Variants in ANKRD44 observed in about 807,000 individuals in gnomAD.
ANKRD44 encodes the protein ankyrin repeat domain 44, also known as serine/threonine-protein phosphatase 6 regulatory ankyrin repeat subunit B.
A neutral mutation model predicts 116.0 loss-of-function variants in ANKRD44; 35 were observed. That is an observed-to-expected ratio of 0.30 (90% CI 0.23 to 0.40). The LOEUF is 0.40. ANKRD44 is among the 10% of genes least tolerant of loss of function. ANKRD44 has a pLI of 1.00. For synonymous variants in ANKRD44, 435 were observed against 461.8 expected (o/e 0.94, Z 0.74); for missense variants, 1,014 against 1,242.6 (o/e 0.82, Z 2.77).
intron 2 of ANKRD44, among the ~76,000 whole-genome samples, chr2:197,180,132 C>T (rs369864909): frequency 6.7e-6 from 1 of 150,166 alleles, no homozygotes; most frequent in East Asian, 2.0e-4. Flanking sequence ...CACTGCTCTT[C>T]CCAGAACACT....
chr2:197,255,720 G>C (rs2082428608), intron 1 of ANKRD44, among the ~76,000 whole-genome samples: 1 of 152,232 alleles, frequency 6.6e-6, no homozygotes, highest in Non-Finnish European at 1.5e-5. Context: ...TCCCCAGCCA[G>C]GCTGCCCCAT....
At chr2:197,255,286 C>T (rs933918930) in intron 1 of ANKRD44, among the ~76,000 whole-genome samples, 3 of 152,150 alleles carry the variant, frequency 2.0e-5, no homozygotes, top group Non-Finnish European at 4.4e-5. Flanking sequence ...GGCTGGGCTC[C>T]CATCATTTGG....
At chr2:197,154,218 C>T (rs1322303102) in intron 2 of ANKRD44, among the ~76,000 whole-genome samples, 74 of 128,032 alleles carry the variant, frequency 5.8e-4, no homozygotes, top group African/African-American at 2.1e-3. Context: ...CTCGCTCTGT[C>T]GCCCAGGCTG....
At chr2:197,102,314 T>A (rs1179417846) in intron 9 of ANKRD44, among the ~76,000 whole-genome samples, 1 of 152,234 alleles carries the variant, frequency 6.6e-6, no homozygotes, top group South Asian at 2.1e-4. Flanking sequence ...GTTAGATGTA[T>A]CTTCAAGGTA....
chr2:196,982,390 T>A (rs935103919), downstream of ANKRD44, among the ~76,000 whole-genome samples: 47 of 152,044 alleles, frequency 3.1e-4, no homozygotes, highest in Admixed American at 6.6e-4. Flanking sequence ...CGCCTTGAAG[T>A]CATAGCAGGC....
chr2:197,245,122 T>C (rs2082163617), intron 1 of ANKRD44, among the ~76,000 whole-genome samples: 1 of 152,068 alleles, frequency 6.6e-6, no homozygotes, highest in South Asian at 2.1e-4. Flanking sequence ...TAGCCAGGAA[T>C]GGTGGTGCAG....
intron 3 of ANKRD44, among the ~76,000 whole-genome samples, chr2:197,144,585 C>G (rs1446094619): frequency 6.6e-6 from 1 of 152,146 alleles, no homozygotes; most frequent in Non-Finnish European, 1.5e-5. Flanking sequence ...TCCCCATGCC[C>G]TAAGTCTTCT....
chr2:197,036,478 C>T (rs1056909043), intron 16 of ANKRD44, among the ~76,000 whole-genome samples: 2 of 152,112 alleles, frequency 1.3e-5, no homozygotes, highest in Non-Finnish European at 2.9e-5. Context: ...AGGCTGGTCT[C>T]GAACTCCTGA....
chr2:197,015,452 A>C, intron 17 of ANKRD44: 1 of 504,286 alleles, frequency 2.0e-6, no homozygotes, highest in South Asian at 2.1e-5. Flanking sequence ...AAACACCACA[A>C]TATTAATAGG....
chr2:197,116,440 G>C (rs2078710096), intron 8 of ANKRD44, among the ~76,000 whole-genome samples: 1 of 152,196 alleles, frequency 6.6e-6, no homozygotes, highest in South Asian at 2.1e-4. Context: ...CCACCCACGT[G>C]CTTCCTGCCC....
chr2:196,973,084 G>A (rs1344238478), intron 21 of ANKRD44, among the ~76,000 whole-genome samples: 1 of 152,086 alleles, frequency 6.6e-6, no homozygotes, highest in Non-Finnish European at 1.5e-5. Context: ...TACCACTGTA[G>A]GAGAGTTCCT....
intron 16 of ANKRD44, among the ~76,000 whole-genome samples, chr2:197,035,039 C>G (rs1029868978): frequency 6.6e-6 from 1 of 152,176 alleles, no homozygotes; most frequent in Admixed American, 6.6e-5. Flanking sequence ...CTCACATGAA[C>G]AGCATTTCAA....
chr2:197,177,048 C>T lies in ANKRD44; in HGVS notation c.111+9975G>A, dbSNP rs190557634. Among the ~76,000 whole-genome samples the T allele has an allele frequency of 1.2e-3, 181 of 152,280 alleles. 1 individual carries two copies. The highest frequency in any genetic ancestry group is 4.1e-3 in the African/African-American group (172 of 41,558). On this transcript the variant is annotated intron_variant, in intron 2 of 27. Transcript: ENST00000282272. ...TCCTTGGTAAAAATCAGGGCCGGCACAATTAGTTGATCTAAAATATACTTT... is the reference window on the plus strand; with the variant it reads ...TCCTTGGTAAAAATCAGGGCCGGCATAATTAGTTGATCTAAAATATACTTT...
At chr2:197,286,369 CT>C (rs763446070) in intron 1 of ANKRD44, among the ~76,000 whole-genome samples, 219 of 123,662 alleles carry the variant, frequency 1.8e-3, no homozygotes, top group African/African-American at 5.3e-3. Flanking sequence ...ACTTCTTCTA[CT>C]TTTTTTTTTC....
At position 197,187,044 on chromosome 2, in the gene ANKRD44, T is replaced by A. The variant is rs1031385585; in HGVS notation, c.90A>T (p.Lys30Asn). 2 of 1,614,066 alleles carry A rather than the reference T, an allele frequency of 1.2e-6. No individual in the cohort carries two copies. The highest frequency in any genetic ancestry group is 1.3e-5 in the African/African-American group (1 of 75,028). ...DPEEIRMLIHKTEDVNTLDSE... is the reference protein window; with the variant it reads ...DPEEIRMLIHNTEDVNTLDSE... ...TTACCAGAGTATTCACATCTTCAGT[T>A]TTATGGATGAGCATCCGGATCTCCT... Residue 30 changes from lysine (K) to asparagine (N), a missense_variant, in exon 2 of 28, where the codon AAA (lysine) becomes AAT (asparagine). Lys to Asn is a moderately conservative substitution (Grantham distance 94). Transcript: ENST00000282272.
At chr2:197,105,262 T>C (rs903032410) in intron 9 of ANKRD44, among the ~76,000 whole-genome samples, 3 of 152,092 alleles carry the variant, frequency 2.0e-5, no homozygotes, top group Non-Finnish European at 4.4e-5. Flanking sequence ...TATAAGCACA[T>C]GCCATCATGC....
At chr2:197,214,753 TC>T (rs2081406106) in intron 1 of ANKRD44, among the ~76,000 whole-genome samples, 1 of 152,174 alleles carries the variant, frequency 6.6e-6, no homozygotes, top group South Asian at 2.1e-4. Context: ...AGCCTGCCAA[TC>T]CCAGCAGCAA....
At chr2:197,162,856 T>C (rs988585120) in intron 2 of ANKRD44, among the ~76,000 whole-genome samples, 1 of 152,222 alleles carries the variant, frequency 6.6e-6, no homozygotes, top group Non-Finnish European at 1.5e-5. Flanking sequence ...CAGTGCTCAA[T>C]ATATGTCTTG....
At position 197,212,387 on chromosome 2, in the gene ANKRD44, T is replaced by C. The variant is rs576719227; in HGVS notation, c.28-25281A>G. On this transcript the variant is annotated intron_variant, in intron 1 of 27. Coordinates refer to ENST00000282272, the MANE Select transcript of ANKRD44 (RefSeq NM_001195144.2). This position sits in a 1 kb window ranked among gnomAD's most constrained non-coding sequence, Gnocchi z 4.8. ...ACCCAAAATGCTTCTGCACTAAATA[T>C]TTGAACCCCTATGTATTTAATGGTT... Among the ~76,000 whole-genome samples the C allele has an allele frequency of 6.6e-6, 1 of 152,308 alleles. No homozygotes were observed. The highest frequency in any genetic ancestry group is 6.5e-5 in the Admixed American group (1 of 15,300).
Sources: allele counts gnomAD v4.1 joint callset (sites outside exome capture counted in the v4.1 genomes callset), GRCh38; gene constraint gnomAD v4.1.1; non-coding constraint Gnocchi (gnomAD v3.1); transcripts MANE v1.5; gene names NCBI Gene and HGNC (gene_info 2026-07-23, HGNC 2026-07-21).